KIAA0825: variants seen among roughly 807,000 people sequenced by gnomAD.
KIAA0825 encodes the protein KIAA0825, also known as uncharacterized protein KIAA0825.
A neutral mutation model predicts 147.6 loss-of-function variants in KIAA0825; 119 were observed. The ratio of observed to expected loss-of-function variants is 0.81; its 90% CI spans 0.69 to 0.94. The LOEUF (loss-of-function observed/expected upper bound fraction) is 0.94, where lower values mean the gene tolerates loss of function less well. Ranked by LOEUF, KIAA0825 falls within the 40% of genes least tolerant of loss-of-function variation. KIAA0825 has a pLI of 0.00. For missense variants in KIAA0825, 1,381 were observed against 1,472.7 expected (o/e 0.94, Z 1.02); for synonymous variants, 470 against 518.1 (o/e 0.91, Z 1.26).
chr5:94,570,230 G>A (rs1437911096), intron 2 of KIAA0825: 1 of 152,232 alleles, frequency 6.6e-6, no homozygotes, highest in African/African-American at 2.4e-5. Context: ...AGACATCCTA[G>A]GCCTATTCCT....
At chr5:94,210,827 T>C (rs1473317840) in intron 20 of KIAA0825, among the ~76,000 whole-genome samples, 1 of 152,210 alleles carries the variant, frequency 6.6e-6, no homozygotes, top group Admixed American at 6.5e-5. Context: ...GGATTTAGTT[T>C]CCTTGTTAAC....
At chr5:94,592,847 C>T in intron 1 of KIAA0825, 1 of 572,496 alleles carries the variant, frequency 1.7e-6, no homozygotes, top group Non-Finnish European at 3.3e-6. Flanking sequence ...TTCTCCTGGA[C>T]TGTGTTTCAA....
intron 2 of KIAA0825, among the ~76,000 whole-genome samples, chr5:94,539,248 C>T (rs2151357574): frequency 6.6e-6 from 1 of 152,264 alleles, no homozygotes; most frequent in East Asian, 1.9e-4. Context: ...CCTTGTTTGG[C>T]ATATCATCAA....
intron 2 of KIAA0825, chr5:94,569,159 C>G (rs1419410905): frequency 5.2e-6 from 1 of 192,060 alleles, no homozygotes; most frequent in Non-Finnish European, 1.1e-5. Context: ...ACCCATAACA[C>G]TAACCCCACT....
intron 3 of KIAA0825, among the ~76,000 whole-genome samples, chr5:94,525,286 A>C (rs949583647): frequency 3.3e-5 from 5 of 151,918 alleles, no homozygotes; most frequent in African/African-American, 1.2e-4. Flanking sequence ...TAGATGTCAT[A>C]CGAAAGACTC....
chr5:94,440,801 A>G (rs1467234336), intron 13 of KIAA0825, among the ~76,000 whole-genome samples: 2 of 152,228 alleles, frequency 1.3e-5, no homozygotes, highest in African/African-American at 4.8e-5. Context: ...TCATTTACCA[A>G]TGAATCAGCA....
At chr5:94,575,774 A>G (rs1780906832) in intron 2 of KIAA0825, among the ~76,000 whole-genome samples, 1 of 152,246 alleles carries the variant, frequency 6.6e-6, no homozygotes, top group Non-Finnish European at 1.5e-5. Flanking sequence ...TACATTGCAT[A>G]CACATGCCGG....
intron 14 of KIAA0825, among the ~76,000 whole-genome samples, chr5:94,435,605 T>C (rs1404439736): frequency 1.3e-5 from 2 of 152,132 alleles, no homozygotes; most frequent in Non-Finnish European, 2.9e-5. Context: ...GTCTTTATAA[T>C]AGAACAATTT....
At chr5:94,559,656 G>A (rs1339014738) in intron 2 of KIAA0825, among the ~76,000 whole-genome samples, 1 of 152,058 alleles carries the variant, frequency 6.6e-6, no homozygotes, top group East Asian at 1.9e-4. Context: ...GTTTAAAACT[G>A]GATTATGATC....
At chr5:94,467,395 G>C (rs1258249996) in intron 10 of KIAA0825, among the ~76,000 whole-genome samples, 1 of 152,164 alleles carries the variant, frequency 6.6e-6, no homozygotes, top group Non-Finnish European at 1.5e-5. Flanking sequence ...TATATATCAG[G>C]AAACAAGCAG....
chr5:94,230,900 TG>T (rs1299665084), intron 20 of KIAA0825, among the ~76,000 whole-genome samples: 1 of 152,142 alleles, frequency 6.6e-6, no homozygotes, highest in Non-Finnish European at 1.5e-5. Flanking sequence ...TTACTCTTTC[TG>T]GGATTAGTTT....
intron 5 of KIAA0825, among the ~76,000 whole-genome samples, chr5:94,500,438 G>A (rs892370333): frequency 8.5e-5 from 13 of 152,122 alleles, no homozygotes; most frequent in African/African-American, 2.7e-4. Context: ...GTAAAATCTT[G>A]GTGATTCTTT....
At chr5:94,365,305 G>A (rs537238187) in intron 20 of KIAA0825, among the ~76,000 whole-genome samples, 2 of 152,262 alleles carry the variant, frequency 1.3e-5, no homozygotes, top group African/African-American at 2.4e-5. Flanking sequence ...TTCCCTTGGC[G>A]TGAGACGGCA....
chr5:94,178,203 G>T (rs1009102944), intron 20 of KIAA0825, among the ~76,000 whole-genome samples: 1 of 151,812 alleles, frequency 6.6e-6, no homozygotes, highest in African/African-American at 2.4e-5. Flanking sequence ...GATTTGACTT[G>T]GCATTTTTGG....
intron 1 of KIAA0825, among the ~76,000 whole-genome samples, chr5:94,589,841 T>TG (rs1784023818): frequency 7.0e-6 from 1 of 141,888 alleles, no homozygotes; most frequent in African/African-American, 2.6e-5. Flanking sequence ...TGTCTCACTT[T>TG]AAAAAAAAAA....
intron 5 of KIAA0825, among the ~76,000 whole-genome samples, chr5:94,510,346 AC>A (rs1342650931): frequency 1.3e-5 from 2 of 152,332 alleles, no homozygotes; most frequent in East Asian, 3.8e-4. Flanking sequence ...ACTTGCACTT[AC>A]CTGCTAACTT....
At chr5:94,234,374 A>AAAAAAT (rs944061385) in intron 20 of KIAA0825, among the ~76,000 whole-genome samples, 6 of 151,850 alleles carry the variant, frequency 4.0e-5, no homozygotes, top group Non-Finnish European at 5.9e-5. Context: ...CCGTCTCAAA[A>AAAAAAT]AAAAATAAAA....
chr5:94,169,246 G>A (rs569035470), intron 20 of KIAA0825, among the ~76,000 whole-genome samples: 19 of 152,274 alleles, frequency 1.2e-4, no homozygotes, highest in African/African-American at 4.6e-4. Flanking sequence ...TTGAAATATA[G>A]GCCTGACTCA....
chr5:94,394,732 A>C (rs1368722283), intron 17 of KIAA0825, among the ~76,000 whole-genome samples: 4 of 152,198 alleles, frequency 2.6e-5, no homozygotes, highest in African/African-American at 9.7e-5. Context: ...GCCATGGATA[A>C]TGACATCAGG....
Sources: gnomAD v4.1 joint callset for allele counts (sites outside exome capture counted in the v4.1 genomes callset) on GRCh38, gnomAD v4.1.1 for gene constraint, MANE v1.5 for transcripts, NCBI Gene and HGNC (gene_info 2026-07-23, HGNC 2026-07-21) for gene names.